Variants in SLC44A3 observed in about 807,000 individuals in gnomAD.
SLC44A3 encodes the protein choline transporter-like protein 3.
Under a neutral mutation model 75.4 loss-of-function variants are expected in SLC44A3, and 74 were observed. The observed-to-expected ratio is 0.98, with a 90% CI of 0.81 to 1.19. The LOEUF (loss-of-function observed/expected upper bound fraction) is 1.19, where lower values mean the gene tolerates loss of function less well. Among genes scored for constraint, SLC44A3 ranks in the 50% most tolerant of loss-of-function variants. The pLI is 0.00. For missense variants in SLC44A3, 700 were observed against 778.6 expected (o/e 0.90, Z 1.20); for synonymous variants, 310 against 296.9 (o/e 1.04, Z -0.45).
At chr1:94,875,662 G>A (rs546704283) in intron 12 of SLC44A3, among the ~76,000 whole-genome samples, 20 of 152,306 alleles carry the variant, frequency 1.3e-4, no homozygotes, top group Admixed American at 1.2e-3. Flanking sequence ...GCAGAAGGGT[G>A]AGGAACATTT....
At chr1:94,867,278 C>G in intron 11 of SLC44A3, 53 bp from the exon 12 acceptor site, 1 of 1,448,294 alleles carries the variant, frequency 6.9e-7, no homozygotes, top group Non-Finnish European at 9.2e-7. Context: ...GCCTGCTTTT[C>G]TTCTTTCCTG....
intron 10 of SLC44A3, among the ~76,000 whole-genome samples, chr1:94,860,378 G>T (rs1666432898): frequency 6.6e-6 from 1 of 151,946 alleles, no homozygotes; most frequent in South Asian, 2.1e-4. Context: ...AAGAGAGAAA[G>T]GATTAAAAGA....
At chr1:94,848,782 T>C (rs1664796781) in intron 9 of SLC44A3, among the ~76,000 whole-genome samples, 1 of 151,982 alleles carries the variant, frequency 6.6e-6, no homozygotes, top group Non-Finnish European at 1.5e-5. Flanking sequence ...TGAAGATTGA[T>C]GGATGTGATG....
At chr1:94,892,539 A>G (rs1405105797) in intron 14 of SLC44A3, 22 bp downstream of exon 14, 7 of 1,606,130 alleles carry the variant, frequency 4.4e-6, no homozygotes, top group South Asian at 3.3e-5. Context: ...TTTCATTTCC[A>G]ATTGCAATCT....
chr1:94,857,376 C>A lies in SLC44A3; in HGVS notation c.1114C>A (p.Pro372Thr), dbSNP rs746129918. ...GGAAGGCGGCCAAGTGGAATATAAGCCCCTTTCGGGCATTCGGTACATGTG... is the reference window on the plus strand; with the variant it reads ...GGAAGGCGGCCAAGTGGAATATAAGACCCTTTCGGGCATTCGGTACATGTG... The part of the protein sequence containing the change: ...VMEGGQVEYK[P>T]LSGIRYMWSY... The change falls in exon 10 of 15, where the codon CCC becomes ACC. Residue 372 changes from proline (P) to threonine (T), a missense_variant. Transcript: ENST00000271227. 2 of 1,612,938 alleles carry A rather than the reference C, an allele frequency of 1.2e-6. No individual in the cohort carries two copies. Among genetic ancestry groups the A allele is most frequent in the East Asian group, 4.5e-5 (2 of 44,790 alleles).
intron 3 of SLC44A3, among the ~76,000 whole-genome samples, chr1:94,825,546 G>A (rs1311430631): frequency 6.6e-6 from 1 of 152,034 alleles, no homozygotes; most frequent in African/African-American, 2.4e-5. Flanking sequence ...AGCCAGGATG[G>A]CCTCCATCTC....
At chr1:94,827,304 G>A (rs1391565567) in intron 3 of SLC44A3, 3 of 615,110 alleles carry the variant, frequency 4.9e-6, no homozygotes, top group Non-Finnish European at 8.4e-6. Context: ...CTTTGTTAAT[G>A]TTTTTGGATA....
intron 12 of SLC44A3, among the ~76,000 whole-genome samples, chr1:94,876,794 A>G (rs34356641): frequency 0.17 from 26,469 of 152,186 alleles, 2,557 homozygotes; most frequent in Admixed American, 0.25. Flanking sequence ...TTGAGTTCTC[A>G]TGCCACTGGA....
rs151282692 is a variant in SLC44A3, at chr1:94,837,791, A to G, written c.590A>G (p.Asp197Gly). The G allele has an allele frequency of 1.1e-5, 18 of 1,612,730 alleles. No homozygotes were observed. The highest frequency in any genetic ancestry group is 1.5e-5 in the Non-Finnish European group (18 of 1,179,604). The change falls in exon 6 of 15, where the codon GAT becomes GGT. Residue 197 changes from aspartate (D) to glycine (G), a missense_variant. Coordinates refer to ENST00000271227, the MANE Select transcript of SLC44A3 (RefSeq NM_001114106.3). Reference protein sequence around the residue: ...YSLFASVLINDVDTLHRILSG... With the variant: ...YSLFASVLINGVDTLHRILSG... ...CTATTTGCATCTGTTTTGATAAATG[A>G]TGTTGACACCCTCCACCGAATTCTA...
intron 1 of SLC44A3, 166 bp downstream of exon 1, chr1:94,820,644 T>C: frequency 1.4e-6 from 2 of 1,382,558 alleles, no homozygotes; most frequent in South Asian, 1.7e-5. Flanking sequence ...ACCTGGACCC[T>C]GCTCCAGTGC....
chr1:94,881,989 T>C (rs998502274), intron 12 of SLC44A3, among the ~76,000 whole-genome samples: 4 of 151,912 alleles, frequency 2.6e-5, no homozygotes, highest in Non-Finnish European at 4.4e-5. Flanking sequence ...CACTGCATTC[T>C]AGCCTGGGTG....
At chr1:94,878,150 C>T (rs1359384229) in intron 12 of SLC44A3, among the ~76,000 whole-genome samples, 6 of 151,912 alleles carry the variant, frequency 3.9e-5, no homozygotes, top group East Asian at 1.9e-4. Flanking sequence ...AGGAGAATGG[C>T]GTGAACCCCA....
chr1:94,861,541 C>T (rs937888373), intron 10 of SLC44A3, among the ~76,000 whole-genome samples: 28 of 152,236 alleles, frequency 1.8e-4, no homozygotes, highest in African/African-American at 6.7e-4. Context: ...TATAATATAA[C>T]ACACAATGAT....
chr1:94,850,312 T>C (rs1665047313), intron 9 of SLC44A3, among the ~76,000 whole-genome samples: 1 of 152,068 alleles, frequency 6.6e-6, no homozygotes. Flanking sequence ...TAAAATCCAA[T>C]AGGAAAAAGT....
At chr1:94,856,291 A>G (rs192042876) in intron 9 of SLC44A3, among the ~76,000 whole-genome samples, 4 of 152,332 alleles carry the variant, frequency 2.6e-5, no homozygotes, top group Non-Finnish European at 4.4e-5. Flanking sequence ...GGAAATAGGT[A>G]TTCTAGATAA....
At chr1:94,859,024 C>T (rs755160734) in intron 10 of SLC44A3, among the ~76,000 whole-genome samples, 11 of 152,050 alleles carry the variant, frequency 7.2e-5, no homozygotes, top group Non-Finnish European at 1.2e-4. Flanking sequence ...GGTGCAGTTC[C>T]GGAGCCTCCA....
At chr1:94,834,199 T>C (rs1272119700) in intron 5 of SLC44A3, among the ~76,000 whole-genome samples, 1 of 150,210 alleles carries the variant, frequency 6.7e-6, no homozygotes, top group Non-Finnish European at 1.5e-5. Flanking sequence ...TAATCATTGG[T>C]CTTCAAGGGT....
rs1179770785 is a variant in SLC44A3 at position 94,848,387 on chromosome 1, G to A, written c.1072+2923G>A. ...GGGGATGAGGTGTGATGGAGGTGGT[G>A]GCAGTGGCCCTGGGCAGCAGCACTG... On this transcript the variant is annotated intron_variant, in intron 9 of 14. Transcript: ENST00000271227. 3.3e-5 allele frequency among the ~76,000 whole-genome samples: 5 copies of A among 152,150 alleles called. 1 individual carries two copies. Among genetic ancestry groups the A allele is most frequent in the Middle Eastern group, 6.3e-3 (2 of 316 alleles).
intron 9 of SLC44A3, among the ~76,000 whole-genome samples, chr1:94,852,120 T>G (rs1665291154): frequency 1.3e-5 from 2 of 152,214 alleles, no homozygotes; most frequent in South Asian, 4.1e-4. Context: ...ATTTATTGAA[T>G]ATTTACTGTG....
Sources: allele counts gnomAD v4.1 joint callset (sites outside exome capture counted in the v4.1 genomes callset), GRCh38; gene constraint gnomAD v4.1.1; transcripts MANE v1.5; gene names NCBI Gene and HGNC (gene_info 2026-07-23, HGNC 2026-07-21).